Variants in BRAP observed in about 807,000 individuals in gnomAD.
BRAP encodes the protein BRCA1 associated protein, also known as BRCA1-associated protein.
In BRAP, 42 loss-of-function variants were observed where a neutral mutation model predicts 73.4. The ratio of observed to expected loss-of-function variants is 0.57; its 90% CI spans 0.45 to 0.74. BRAP has a LOEUF of 0.74. BRAP is among the 30% of genes least tolerant of loss of function. The probability of loss-of-function intolerance (pLI) is 0.00; values close to 1 mark genes in which losing one functional copy is unlikely to be tolerated. For synonymous variants in BRAP, 255 were observed against 267.4 expected (o/e 0.95, Z 0.45); for missense variants, 593 against 751.4 (o/e 0.79, Z 2.46).
intron 4 of BRAP, among the ~76,000 whole-genome samples, chr12:111,675,495 T>C (rs1375374256): frequency 6.7e-6 from 1 of 148,652 alleles, no homozygotes; most frequent in Non-Finnish European, 1.5e-5. Flanking sequence ...GAGCATCTAG[T>C]ATGTGCCAGG....
intron 7 of BRAP, among the ~76,000 whole-genome samples, chr12:111,660,358 A>G (rs1886700004): frequency 6.6e-6 from 1 of 152,104 alleles, no homozygotes; most frequent in African/African-American, 2.4e-5. Context: ...AAAAAATTTT[A>G]AAGAATTTAG....
rs920819897 is a variant in BRAP at position 111,676,420 on chromosome 12, A to AT, written c.633+2730dup. 3.3e-4 allele frequency among the ~76,000 whole-genome samples: 48 copies of AT among 146,640 alleles called. 1 individual carries two copies. The highest frequency in any genetic ancestry group is 3.2e-3 in the East Asian group (16 of 5,068). ...TTTCCTCAACTGTAAAATACATGGC[A>AT]TTTTTTTTTTTGAGACAGAGTCTCG... On this transcript the variant is annotated intron_variant, in intron 4 of 11. Transcript: ENST00000419234.
rs560400429 is a variant in BRAP, at chr12:111,669,486, G to C, written c.747+3175C>G. 4.6e-5 allele frequency among the ~76,000 whole-genome samples: 7 copies of C among 151,934 alleles called. No homozygotes were observed. In the South Asian group the frequency reaches 1.5e-3, roughly 32 times the overall value. ...GGTGATCCGCCTGCCTTCGCCTCCC[G>C]AAGTGCTGGGATTACAGGTGTGAGC... On this transcript the variant is annotated intron_variant, in intron 5 of 11. Coordinates refer to ENST00000419234, the MANE Select transcript of BRAP (RefSeq NM_006768.5).
At chr12:111,648,818 T>TGGG (rs910573858) in intron 11 of BRAP, among the ~76,000 whole-genome samples, 13 of 147,592 alleles carry the variant, frequency 8.8e-5, no homozygotes, top group Non-Finnish European at 1.0e-4. Flanking sequence ...TCCCAGCTAT[T>TGGG]GGGAGGCTGA....
intron 4 of BRAP, chr12:111,673,197 A>G (rs1439557851): frequency 6.2e-6 from 1 of 161,312 alleles, no homozygotes; most frequent in Non-Finnish European, 1.4e-5. Context: ...GTTATGAAAG[A>G]ACTCTTTAAG....
chr12:111,644,653 C>G, intron 11 of BRAP, 91 bp from the exon 12 acceptor site: 1 of 1,527,936 alleles, frequency 6.5e-7, no homozygotes, highest in East Asian at 2.3e-5. Context: ...AAACCATGAC[C>G]TCAGAATCCC....
intron 11 of BRAP, among the ~76,000 whole-genome samples, 156 bp downstream of exon 11, chr12:111,649,783 C>T (rs115313223): frequency 5.9e-5 from 9 of 152,316 alleles, no homozygotes; most frequent in African/African-American, 2.2e-4. Context: ...TATGAAACCC[C>T]GCATTTTTTA....
intron 4 of BRAP, among the ~76,000 whole-genome samples, chr12:111,678,144 C>T (rs1887455944): frequency 6.6e-6 from 1 of 151,186 alleles, no homozygotes; most frequent in Admixed American, 6.6e-5. Flanking sequence ...CCCAGCTACT[C>T]CGGAGGCTGA....
At chr12:111,674,519 A>C (rs891135645) in intron 4 of BRAP, among the ~76,000 whole-genome samples, 1 of 152,214 alleles carries the variant, frequency 6.6e-6, no homozygotes, top group African/African-American at 2.4e-5. Flanking sequence ...TTAGGATTAC[A>C]GGCGTGAGCC....
At chr12:111,658,453 G>A (rs1042952573) in intron 9 of BRAP, among the ~76,000 whole-genome samples, 1 of 151,866 alleles carries the variant, frequency 6.6e-6, no homozygotes, top group Admixed American at 6.6e-5. Context: ...AGCCTCCCGA[G>A]GAGCTGGGAT....
intron 10 of BRAP, among the ~76,000 whole-genome samples, chr12:111,651,190 ACAGCCTGCC>A (rs1566111125): frequency 1.5e-3 from 226 of 151,848 alleles, no homozygotes; most frequent in African/African-American, 5.4e-3. Context: ...CATTTTCCAT[ACAGCCTGCC>A]TAGCAAGTCT....
rs1009830588 is a variant in BRAP, at chr12:111,685,745, C to A, written c.48G>T (p.Ser16=). 3.1e-6 allele frequency: 5 copies of A among 1,609,478 alleles called. No individual in the cohort carries two copies. In the African/African-American group the frequency reaches 5.3e-5, roughly 17 times the overall value. ...TGAAGCCGAAGCCGGCGGGGACAGG[C>A]GAGTGTTCCGCGAGCTCCAATCGGA... The part of the protein sequence containing the change: ...VVIRLELAEH[S]PVPAGFGFSA... The change falls in exon 1 of 12, where the codon TCG becomes TCT. Residue 16 remains serine, a synonymous_variant. Transcript: ENST00000419234.
intron 6 of BRAP, among the ~76,000 whole-genome samples, chr12:111,664,423 T>C (rs78641124): frequency 0.015 from 2,348 of 152,248 alleles, 72 homozygotes; most frequent in African/African-American, 0.053. Flanking sequence ...GGTAAACACT[T>C]TAAGGAATGC....
chr12:111,681,794 C>T lies in BRAP; in HGVS notation c.286G>A (p.Ala96Thr). ...TTACTTCTTTGCGCAGTGGGGGAGGCTTCTGAAGACTTCCTTTCTTCCACT... is the reference window on the plus strand; with the variant it reads ...TTACTTCTTTGCGCAGTGGGGGAGGTTTCTGAAGACTTCCTTTCTTCCACT... ...TTVEERKSSE[A>T]SPTAQRSKDH... is the part of the protein sequence containing the mutation. The change falls in exon 3 of 12, where the codon GCC (alanine) becomes ACC (threonine). Residue 96 changes from alanine (A) to threonine (T), a missense_variant. Ala to Thr is a moderately conservative substitution (Grantham distance 58). This residue lies in a region of BRAP where 304 missense variants were observed against 337.7 expected (regional missense o/e 0.90). Transcript: ENST00000419234. The T allele has an allele frequency of 6.2e-7, 1 of 1,611,900 alleles. No individual in the cohort carries two copies. The highest frequency in any genetic ancestry group is 2.2e-5 in the East Asian group (1 of 44,872).
chr12:111,648,053 A>C (rs1020891194), intron 11 of BRAP, among the ~76,000 whole-genome samples: 1 of 151,992 alleles, frequency 6.6e-6, no homozygotes, highest in African/African-American at 2.4e-5. Flanking sequence ...TAATCCCAGC[A>C]CTTTGGGAGG....
intron 11 of BRAP, among the ~76,000 whole-genome samples, chr12:111,648,852 G>A (rs532677486): frequency 6.6e-6 from 1 of 151,996 alleles, no homozygotes; most frequent in South Asian, 2.1e-4. Flanking sequence ...CGTGAACCCG[G>A]GAGGCGGAGC....
At chr12:111,654,871 A>C (rs1009186042) in intron 10 of BRAP, among the ~76,000 whole-genome samples, 2 of 152,138 alleles carry the variant, frequency 1.3e-5, no homozygotes, top group Non-Finnish European at 2.9e-5. Context: ...TGAATTACAA[A>C]CACTGTCCCT....
intron 11 of BRAP, among the ~76,000 whole-genome samples, chr12:111,648,698 C>T (rs1015243843): frequency 7.9e-5 from 12 of 151,684 alleles, no homozygotes; most frequent in African/African-American, 2.9e-4. Flanking sequence ...GAGGCCAAAG[C>T]AGGTGGATCA....
At position 111,643,746 on chromosome 12, in the gene BRAP, G is replaced by A. The variant is rs1885988462; in HGVS notation, c.*453C>T. The A allele has an allele frequency of 1.3e-5, 2 of 159,370 alleles. No individual in the cohort carries two copies. 9.9% of individuals were successfully genotyped at this position (159,370 alleles called of 1,614,324 possible). A position where few individuals can be genotyped will look rare whatever the true frequency, so the allele number is the denominator to read the frequency against. ...AGGGAGTTTTCATAACTCCTTAATA[G>A]CCAATGGAAACCTCTCTTTAAAGCA... On this transcript the variant is annotated 3_prime_UTR_variant, in exon 12 of 12. Coordinates refer to ENST00000419234, the MANE Select transcript of BRAP (RefSeq NM_006768.5).
Sources: allele counts gnomAD v4.1 joint callset (sites outside exome capture counted in the v4.1 genomes callset), GRCh38; gene constraint gnomAD v4.1.1; regional missense constraint gnomAD v4.1.1; transcripts MANE v1.5; gene names NCBI Gene and HGNC (gene_info 2026-07-23, HGNC 2026-07-21).